TAF4B: variants seen among roughly 807,000 people sequenced by gnomAD.
TAF4B encodes the protein transcription initiation factor TFIID subunit 4B.
Under a neutral mutation model 86.4 loss-of-function variants are expected in TAF4B, and 38 were observed. The observed-to-expected ratio is 0.44, with a 90% CI of 0.34 to 0.58. The LOEUF is 0.58. Ranked by LOEUF, TAF4B falls within the 20% of genes least tolerant of loss-of-function variation. TAF4B has a pLI of 0.02. For missense variants in TAF4B, 988 were observed against 1,027.6 expected, an observed-to-expected ratio of 0.96 and a Z score of 0.53; for synonymous variants, 388 against 391.2, an observed-to-expected ratio of 0.99 and a Z score of 0.10.
rs560938610 is a variant in TAF4B at position 26,261,320 on chromosome 18, C to A, written c.344-3850C>A. Among the ~76,000 whole-genome samples, 12 of 150,482 alleles carry A rather than the reference C, an allele frequency of 8.0e-5. No individual in the cohort carries two copies. The East Asian group carries it at 2.3e-3, about 29-fold the overall frequency. On this transcript the variant is annotated intron_variant, in intron 1 of 14. Coordinates refer to ENST00000269142, the MANE Select transcript of TAF4B (RefSeq NM_005640.3). ...GGTTCACGCCATTCTCCTGCCTCAG[C>A]CTCCCAAGTAGCTGGGACTACAGGC...
intron 1 of TAF4B, among the ~76,000 whole-genome samples, chr18:26,260,011 G>A (rs1270879684): frequency 1.3e-5 from 2 of 152,090 alleles, no homozygotes; most frequent in South Asian, 2.1e-4. Flanking sequence ...TTGTGGTTTC[G>A]ATTTGCATTT....
At chr18:26,251,550 C>G (rs962342892) in intron 1 of TAF4B, among the ~76,000 whole-genome samples, 1 of 152,058 alleles carries the variant, frequency 6.6e-6, no homozygotes, top group African/African-American at 2.4e-5. Context: ...GGACACTGGA[C>G]CACGATACAC....
chr18:26,245,611 A>T (rs1378386494), intron 1 of TAF4B, among the ~76,000 whole-genome samples: 1 of 152,154 alleles, frequency 6.6e-6, no homozygotes, highest in Non-Finnish European at 1.5e-5. Flanking sequence ...GGTGCATTTT[A>T]CAAAACGCTG....
chr18:26,251,798 AT>A (rs1327977476), intron 1 of TAF4B, among the ~76,000 whole-genome samples: 1 of 152,132 alleles, frequency 6.6e-6, no homozygotes, highest in African/African-American at 2.4e-5. Context: ...TCTCATTGGC[AT>A]TGGGCCTTTG....
intron 9 of TAF4B, among the ~76,000 whole-genome samples, chr18:26,313,467 A>T (rs1049244533): frequency 6.6e-6 from 1 of 152,132 alleles, no homozygotes; most frequent in African/African-American, 2.4e-5. Context: ...TTAGCATCCC[A>T]TGTCTCTGAG....
intron 1 of TAF4B, among the ~76,000 whole-genome samples, chr18:26,253,862 T>G (rs2056041087): frequency 6.6e-6 from 1 of 152,094 alleles, no homozygotes; most frequent in Non-Finnish European, 1.5e-5. Context: ...TTGTTTCTAG[T>G]CTTCCCTTAT....
chr18:26,356,797 T>G (rs1288493419), intron 13 of TAF4B, among the ~76,000 whole-genome samples: 1 of 151,618 alleles, frequency 6.6e-6, no homozygotes, highest in Non-Finnish European at 1.5e-5. Flanking sequence ...TGGTGTTTTT[T>G]TTTTTTTTTT....
rs1337020847 is a variant in TAF4B at position 26,373,849 on chromosome 18, AATTTAGTAGT to A, written c.2422-15995_2422-15986del. Among the ~76,000 whole-genome samples the A allele has an allele frequency of 2.0e-5, 3 of 152,084 alleles. No homozygotes were observed. The South Asian group carries it at 6.2e-4, about 32-fold the overall frequency. ...AATGGCTAGGTCTCAGCTTGCTTGG[AATTTAGTAGT>A]CCAAAAAGTTAGCTTTCTTTATCAT... On this transcript the variant is annotated intron_variant, in intron 14 of 14. Coordinates refer to ENST00000269142, the MANE Select transcript of TAF4B (RefSeq NM_005640.3).
At chr18:26,262,689 C>G (rs1031994541) in intron 1 of TAF4B, among the ~76,000 whole-genome samples, 1 of 152,092 alleles carries the variant, frequency 6.6e-6, no homozygotes, top group Non-Finnish European at 1.5e-5. Context: ...CCCTGTTGGC[C>G]AGGCTTGTCT....
At chr18:26,338,853 A>G (rs989505506) in intron 13 of TAF4B, among the ~76,000 whole-genome samples, 19 of 152,204 alleles carry the variant, frequency 1.2e-4, no homozygotes, top group African/African-American at 4.3e-4. Flanking sequence ...ATGTAAGGAC[A>G]AATTGTGTTA....
intron 1 of TAF4B, 40 bp downstream of exon 1, chr18:26,227,316 G>C: frequency 1.3e-6 from 2 of 1,577,434 alleles, no homozygotes; most frequent in Non-Finnish European, 1.7e-6. Flanking sequence ...TGTCGGTCCA[G>C]CTGGCGGCGA....
In TAF4B at chr18:26,286,353, C is replaced by G; in HGVS notation, c.1444C>G (p.Pro482Ala). 1 of 1,614,236 alleles carries G rather than the reference C, an allele frequency of 6.2e-7. No individual in the cohort carries two copies. Among genetic ancestry groups the G allele is most frequent in the Non-Finnish European group, 8.5e-7 (1 of 1,180,046 alleles). ...AACTTCAGGTGCAGCTATTTGTCTT[C>G]CATCTGTGAAACCTGTTGTTTCTTC... ...GETSGAAICL[P>A]SVKPVVSSAG... The change falls in exon 7 of 15, where the codon CCA (proline) becomes GCA (alanine). Residue 482 changes from proline (P) to alanine (A), a missense_variant. Pro to Ala is a conservative substitution (Grantham distance 27, BLOSUM62 -1). Around this residue, in one of 3 missense-constraint regions of TAF4B, gnomAD observed 747 missense variants for 737.9 expected, o/e 1.01. Coordinates refer to ENST00000269142, the MANE Select transcript of TAF4B (RefSeq NM_005640.3).
chr18:26,349,968 G>T (rs751331476), intron 13 of TAF4B, among the ~76,000 whole-genome samples: 6 of 152,148 alleles, frequency 3.9e-5, no homozygotes, highest in African/African-American at 1.4e-4. Context: ...GGGAAAGCAT[G>T]TTCTCCTCAA....
chr18:26,281,072 C>A (rs756501777), intron 5 of TAF4B, among the ~76,000 whole-genome samples: 1 of 152,120 alleles, frequency 6.6e-6, no homozygotes, highest in Non-Finnish European at 1.5e-5. Flanking sequence ...TTCTCACTTA[C>A]AAGTGGGAGC....
At chr18:26,291,100 T>A (rs960771129) in intron 7 of TAF4B, among the ~76,000 whole-genome samples, 1 of 152,220 alleles carries the variant, frequency 6.6e-6, no homozygotes, top group South Asian at 2.1e-4. Context: ...TTACTTTTTT[T>A]AAAGTAATAC....
At chr18:26,272,106 G>A (rs932498049) in intron 3 of TAF4B, among the ~76,000 whole-genome samples, 3 of 152,016 alleles carry the variant, frequency 2.0e-5, no homozygotes, top group Non-Finnish European at 4.4e-5. Flanking sequence ...CTTGCAAAGG[G>A]CCTGATCTTC....
chr18:26,303,449 A>C (rs1329094778), intron 9 of TAF4B, among the ~76,000 whole-genome samples: 153 of 25,676 alleles, frequency 6.0e-3, no homozygotes, highest in South Asian at 8.5e-3. Flanking sequence ...CTACTTTCAT[A>C]CCCCCTCCAC....
intron 1 of TAF4B, among the ~76,000 whole-genome samples, chr18:26,236,048 T>C (rs531833324): frequency 6.6e-6 from 1 of 152,318 alleles, no homozygotes; most frequent in South Asian, 2.1e-4. Context: ...TAGCCTGATT[T>C]GGACTGAGTG....
chr18:26,365,269 A>T (rs2057364489), intron 14 of TAF4B, among the ~76,000 whole-genome samples: 1 of 152,126 alleles, frequency 6.6e-6, no homozygotes, highest in African/African-American at 2.4e-5. Context: ...AGCCTCCCAA[A>T]GTGCTGGGAT....
Sources: gnomAD v4.1 joint callset for allele counts (sites outside exome capture counted in the v4.1 genomes callset) on GRCh38, gnomAD v4.1.1 for gene constraint, gnomAD v4.1.1 regional missense constraint, MANE v1.5 for transcripts, NCBI Gene and HGNC (gene_info 2026-07-23, HGNC 2026-07-21) for gene names.